The following NRXN1 variants were observed in gnomAD, a reference collection of about 807,000 sequenced individuals.
NRXN1 encodes neurexin 1.
NRXN1 carries 39 observed loss-of-function variants against 150.9 expected under a neutral mutation model. The ratio of observed to expected loss-of-function variants is 0.26; its 90% CI spans 0.20 to 0.34. The LOEUF is 0.34. Ranked by LOEUF, NRXN1 falls within the 10% of genes least tolerant of loss-of-function variation. NRXN1 has a pLI of 1.00. For synonymous variants in NRXN1, 924 were observed against 757.0 expected, an observed-to-expected ratio of 1.22 and a Z score of -3.62; for missense variants, 1,815 against 1,949.9, an observed-to-expected ratio of 0.93 and a Z score of 1.30.
intron 19 of NRXN1, among the ~76,000 whole-genome samples, chr2:50,080,493 C>G (rs1181873943): frequency 6.6e-6 from 1 of 151,984 alleles, no homozygotes; most frequent in Non-Finnish European, 1.5e-5. Context: ...CAATTTTTAT[C>G]TTTATGATAT....
intron 9 of NRXN1, among the ~76,000 whole-genome samples, chr2:50,540,099 C>G (rs1359474725): frequency 1.3e-5 from 2 of 152,136 alleles, no homozygotes; most frequent in Non-Finnish European, 2.9e-5. Flanking sequence ...ACAAAGACTG[C>G]TCAGGTGGCC....
At chr2:50,205,768 G>C (rs1207558657) in intron 18 of NRXN1, among the ~76,000 whole-genome samples, 1 of 152,034 alleles carries the variant, frequency 6.6e-6, no homozygotes, top group African/African-American at 2.4e-5. Flanking sequence ...ATATTATTCA[G>C]TATTTAAAAT....
At chr2:50,519,458 G>C (rs1391412896) in intron 12 of NRXN1, among the ~76,000 whole-genome samples, 4 of 151,894 alleles carry the variant, frequency 2.6e-5, no homozygotes, top group Non-Finnish European at 5.9e-5. Flanking sequence ...TTATGCTCCA[G>C]GAAATGTTCT....
chr2:50,086,965 T>G (rs1232321432), intron 19 of NRXN1, among the ~76,000 whole-genome samples: 1 of 152,184 alleles, frequency 6.6e-6, no homozygotes. Context: ...ACTTTATCTT[T>G]TGATACCTGG....
intron 22 of NRXN1, among the ~76,000 whole-genome samples, chr2:49,936,033 C>T (rs937055680): frequency 6.6e-6 from 1 of 152,052 alleles, no homozygotes; most frequent in Non-Finnish European, 1.5e-5. Context: ...GATGTGAAAC[C>T]GATTATTAAT....
At chr2:50,889,799 C>T (rs1029318643) in intron 5 of NRXN1, among the ~76,000 whole-genome samples, 5 of 151,594 alleles carry the variant, frequency 3.3e-5, no homozygotes, top group Admixed American at 3.3e-4. Context: ...TTTTATAAAG[C>T]ATTCATAAAC....
At chr2:50,828,492 G>A (rs1289304009) in intron 5 of NRXN1, among the ~76,000 whole-genome samples, 4 of 150,904 alleles carry the variant, frequency 2.7e-5, no homozygotes, top group Non-Finnish European at 5.9e-5. Flanking sequence ...GCCAGGCGGA[G>A]GGTCTCCTCC....
intron 21 of NRXN1, among the ~76,000 whole-genome samples, chr2:50,034,024 A>G (rs1292971669): frequency 6.6e-6 from 1 of 151,966 alleles, no homozygotes; most frequent in Non-Finnish European, 1.5e-5. Flanking sequence ...ACAGAAGAGA[A>G]TGCTTATACA....
rs191133058 is a variant in NRXN1, at chr2:50,783,257, T to C, written c.832+138612A>G. 6.7e-3 allele frequency among the ~76,000 whole-genome samples: 1,013 copies of C among 152,256 alleles called. 9 individuals are homozygous for C. Among genetic ancestry groups the C allele is most frequent in the Non-Finnish European group, 0.011 (770 of 68,030 alleles). ...TCCTAAAGCCTACATCGCAATCTAC[T>C]GAAATAATTCTTGGCCAACCCAAGC... On this transcript the variant is annotated intron_variant, in intron 5 of 22. Coordinates refer to ENST00000401669, the MANE Select transcript of NRXN1 (RefSeq NM_001330078.2).
At chr2:50,643,128 A>G (rs1684302247) in intron 5 of NRXN1, among the ~76,000 whole-genome samples, 1 of 151,980 alleles carries the variant, frequency 6.6e-6, no homozygotes. Context: ...AAATCTAACT[A>G]CAAATGCATA....
chr2:50,793,477 A>G (rs1706355125), intron 5 of NRXN1, among the ~76,000 whole-genome samples: 1 of 152,132 alleles, frequency 6.6e-6, no homozygotes, highest in Admixed American at 6.6e-5. Context: ...CTAAAGGGTT[A>G]ATCAAGAACC....
intron 8 of NRXN1, among the ~76,000 whole-genome samples, chr2:50,602,740 T>C (rs1676481837): frequency 6.6e-6 from 1 of 152,154 alleles, no homozygotes; most frequent in African/African-American, 2.4e-5. Context: ...AAACAGACTT[T>C]ACTGACCCAG....
chr2:49,943,830 TC>T (rs1257680341), intron 21 of NRXN1, 39 bp from the exon 22 acceptor site: 1 of 1,395,898 alleles, frequency 7.2e-7, no homozygotes. Flanking sequence ...ATTTAAAGGG[TC>T]CTAACAGATT....
rs113055259 is a variant in NRXN1 at position 50,413,141 on chromosome 2, G to A, written c.3364+52301C>T. Among the ~76,000 whole-genome samples the A allele has an allele frequency of 1.2e-4, 18 of 152,240 alleles. 1 individual carries two copies. The highest frequency in any genetic ancestry group is 4.3e-4 in the African/African-American group (18 of 41,540). On this transcript the variant is annotated intron_variant, in intron 17 of 22. Transcript: ENST00000401669. ...AAAAGGAAACAATCAACAAAGTGAA[G>A]AGACCACCCACAGAATGGGAGAAAC...
chr2:49,942,796 G>C (rs913980927), intron 22 of NRXN1, among the ~76,000 whole-genome samples: 1 of 152,034 alleles, frequency 6.6e-6, no homozygotes, highest in African/African-American at 2.4e-5. Flanking sequence ...TTTTGGCAGG[G>C]ACAGGGTTTT....
At chr2:49,976,847 A>G (rs1458807583) in intron 21 of NRXN1, among the ~76,000 whole-genome samples, 1 of 152,222 alleles carries the variant, frequency 6.6e-6, no homozygotes, top group Non-Finnish European at 1.5e-5. Flanking sequence ...GAAGTAAATG[A>G]TTTGTATATT....
At chr2:50,749,654 CT>C (rs1465289573) in intron 5 of NRXN1, among the ~76,000 whole-genome samples, 3 of 151,974 alleles carry the variant, frequency 2.0e-5, no homozygotes, top group South Asian at 2.1e-4. Context: ...CAAAAATCAC[CT>C]TTTTCAGATA....
intron 9 of NRXN1, among the ~76,000 whole-genome samples, chr2:50,544,406 A>G (rs960424274): frequency 1.3e-5 from 2 of 152,084 alleles, no homozygotes; most frequent in African/African-American, 4.8e-5. Context: ...AACCAATGTT[A>G]TCTATGAGGT....
rs1688809963 is a variant in NRXN1, at chr2:50,029,139, A to G, written c.4128+24132T>C. 1.3e-5 allele frequency among the ~76,000 whole-genome samples: 2 copies of G among 152,224 alleles called. 1 individual carries two copies. Among genetic ancestry groups the G allele is most frequent in the Admixed American group, 1.3e-4 (2 of 15,278 alleles). On this transcript the variant is annotated intron_variant, in intron 21 of 22. Coordinates refer to ENST00000401669, the MANE Select transcript of NRXN1 (RefSeq NM_001330078.2). ...GCCTTTATAAGAGGCTGAACAAACC[A>G]GAGTTCTTCCTTTTCACCATGTGAG...
Sources: allele counts gnomAD v4.1 joint callset (sites outside exome capture counted in the v4.1 genomes callset), GRCh38; gene constraint gnomAD v4.1.1; transcripts MANE v1.5; gene names NCBI Gene and HGNC (gene_info 2026-07-23, HGNC 2026-07-21).